Variants in PTPRD observed in about 807,000 individuals in gnomAD.
PTPRD encodes receptor-type tyrosine-protein phosphatase delta.
A neutral mutation model predicts 214.5 loss-of-function variants in PTPRD; 34 were observed. The observed-to-expected ratio is 0.16, with a 90% CI of 0.12 to 0.21. The LOEUF is 0.21. Among genes scored for constraint, PTPRD ranks in the 10% least tolerant of loss-of-function variants. The pLI, the probability that PTPRD is intolerant of heterozygous loss-of-function variation, is 1.00. For missense variants in PTPRD, 2,545 were observed against 2,398.7 expected, an observed-to-expected ratio of 1.06 and a Z score of -1.27; for synonymous variants, 1,128 against 845.7, an observed-to-expected ratio of 1.33 and a Z score of -5.79.
At chr9:8,671,815 C>A (rs921480307) in intron 12 of PTPRD, among the ~76,000 whole-genome samples, 2 of 152,144 alleles carry the variant, frequency 1.3e-5, no homozygotes, top group East Asian at 1.9e-4. Context: ...TATGAAAGAA[C>A]TGTATCTAGA....
chr9:8,574,414 G>T (rs926878594), intron 14 of PTPRD, among the ~76,000 whole-genome samples: 3 of 151,738 alleles, frequency 2.0e-5, no homozygotes, highest in Non-Finnish European at 4.4e-5. Flanking sequence ...ATGATAGTTG[G>T]GAGGCCCTAA....
At chr9:8,947,029 C>CTTT (rs71317390) in intron 11 of PTPRD, among the ~76,000 whole-genome samples, 4 of 121,006 alleles carry the variant, frequency 3.3e-5, no homozygotes, top group African/African-American at 9.3e-5. Flanking sequence ...TTTTTCTTTT[C>CTTT]TTTTTTTTTT....
At chr9:10,226,096 ACAAGT>A (rs1268052092) in intron 3 of PTPRD, among the ~76,000 whole-genome samples, 1 of 152,060 alleles carries the variant, frequency 6.6e-6, no homozygotes, top group Non-Finnish European at 1.5e-5. Context: ...GCTGGAATGC[ACAAGT>A]CAATATCCAT....
In PTPRD at chr9:10,564,924, T is replaced by C. The variant is rs369154885; in HGVS notation, c.-600+47474A>G. On this transcript the variant is annotated intron_variant, in intron 2 of 45. Transcript: ENST00000381196. ...ATAACCTGTCTAACTTCATCTTCTC[T>C]CTTTCATAAATAACCAGTTGACTAT... is the stretch of plus-strand genomic sequence containing the variant. 1.1e-4 allele frequency among the ~76,000 whole-genome samples: 16 copies of C among 152,280 alleles called. No homozygotes were observed. In the East Asian group the frequency reaches 2.1e-3, roughly 20 times the overall value.
At chr9:8,776,277 TA>T (rs1463073375) in intron 11 of PTPRD, among the ~76,000 whole-genome samples, 1 of 152,166 alleles carries the variant, frequency 6.6e-6, no homozygotes, top group East Asian at 1.9e-4. Flanking sequence ...TTGTCAAAGT[TA>T]AACTAGACAC....
chr9:8,514,338 C>G (rs13288392), intron 21 of PTPRD, among the ~76,000 whole-genome samples: 1 of 151,960 alleles, frequency 6.6e-6, no homozygotes, highest in Non-Finnish European at 1.5e-5. Flanking sequence ...TTTTGTTTCT[C>G]AGATAATCTT....
At chr9:8,851,538 T>A (rs1218370886) in intron 11 of PTPRD, among the ~76,000 whole-genome samples, 1 of 152,182 alleles carries the variant, frequency 6.6e-6, no homozygotes, top group Non-Finnish European at 1.5e-5. Flanking sequence ...AACATCCGTA[T>A]CCAACAGATC....
At position 10,012,040 on chromosome 9, in the gene PTPRD, G is replaced by A. The variant is rs113491760; in HGVS notation, c.-472+21678C>T. On this transcript the variant is annotated intron_variant, in intron 4 of 45. Coordinates refer to ENST00000381196, the MANE Select transcript of PTPRD (RefSeq NM_002839.4). ...TTTTTCAATTATAAATATTGATATT[G>A]ACAGGAAACATGTAGGTATAACTAT... 6.5e-3 allele frequency among the ~76,000 whole-genome samples: 988 copies of A among 151,892 alleles called. 9 individuals carry two copies. Among genetic ancestry groups the A allele is most frequent in the African/African-American group, 0.022 (921 of 41,462 alleles).
chr9:9,287,875 T>TA (rs1196312061), intron 9 of PTPRD, among the ~76,000 whole-genome samples: 3 of 151,700 alleles, frequency 2.0e-5, no homozygotes, highest in Non-Finnish European at 4.4e-5. Context: ...AACATACCAG[T>TA]AAAAATGAGT....
chr9:9,581,926 A>T (rs942780110), intron 7 of PTPRD, among the ~76,000 whole-genome samples: 12 of 152,166 alleles, frequency 7.9e-5, no homozygotes, highest in African/African-American at 2.9e-4. Flanking sequence ...TAAAGTCACA[A>T]ATAAGACAAA....
intron 9 of PTPRD, among the ~76,000 whole-genome samples, chr9:9,352,241 C>T (rs1226227611): frequency 6.6e-6 from 1 of 151,428 alleles, no homozygotes; most frequent in Non-Finnish European, 1.5e-5. Context: ...AATAATTTAT[C>T]TGTCCAGCTT....
intron 13 of PTPRD, among the ~76,000 whole-genome samples, 157 bp from the exon 14 acceptor site, chr9:8,633,615 C>A (rs1465546077): frequency 6.6e-6 from 1 of 151,956 alleles, no homozygotes; most frequent in Non-Finnish European, 1.5e-5. Context: ...AATATTTGGT[C>A]TAATTTAGTG....
intron 9 of PTPRD, among the ~76,000 whole-genome samples, chr9:9,385,930 A>G (rs2063732965): frequency 6.6e-6 from 1 of 152,154 alleles, no homozygotes; most frequent in African/African-American, 2.4e-5. Context: ...TCATAAAACA[A>G]GTATGAACAC....
At chr9:10,490,267 G>C (rs1312227812) in intron 2 of PTPRD, among the ~76,000 whole-genome samples, 1 of 152,160 alleles carries the variant, frequency 6.6e-6, no homozygotes, top group African/African-American at 2.4e-5. Context: ...TGCAAAAGCA[G>C]TGTGTGATAA....
chr9:8,435,932 A>G (rs943698169), intron 35 of PTPRD, among the ~76,000 whole-genome samples: 1 of 152,208 alleles, frequency 6.6e-6, no homozygotes, highest in African/African-American at 2.4e-5. Context: ...CACATACTCA[A>G]TAATTACAGA....
At chr9:10,178,990 A>G (rs1421666418) in intron 3 of PTPRD, among the ~76,000 whole-genome samples, 1 of 152,068 alleles carries the variant, frequency 6.6e-6, no homozygotes, top group African/African-American at 2.4e-5. Flanking sequence ...TAAAAAATAA[A>G]TGAAATATGA....
chr9:8,838,742 T>G (rs1251198929), intron 11 of PTPRD, among the ~76,000 whole-genome samples: 1 of 152,120 alleles, frequency 6.6e-6, no homozygotes, highest in East Asian at 1.9e-4. Flanking sequence ...TGATATTTCA[T>G]GGTCAGTGAA....
At chr9:9,255,341 T>G (rs1182949425) in intron 9 of PTPRD, among the ~76,000 whole-genome samples, 1 of 152,080 alleles carries the variant, frequency 6.6e-6, no homozygotes, top group African/African-American at 2.4e-5. Flanking sequence ...GCCATTTGCT[T>G]CTTAAGGTGA....
chr9:9,899,254 T>A (rs552815722), intron 5 of PTPRD, among the ~76,000 whole-genome samples: 2 of 151,504 alleles, frequency 1.3e-5, no homozygotes, highest in Admixed American at 1.3e-4. Context: ...TAATGGAGAG[T>A]GTGAAGAGAG....
Sources: allele counts gnomAD v4.1 joint callset (sites outside exome capture counted in the v4.1 genomes callset), GRCh38; gene constraint gnomAD v4.1.1; transcripts MANE v1.5; gene names NCBI Gene and HGNC (gene_info 2026-07-23, HGNC 2026-07-21).